MRPS11: variants seen among roughly 807,000 people sequenced by gnomAD.
MRPS11 encodes mitochondrial ribosomal protein S11, also known as small ribosomal subunit protein uS11m.
Under a neutral mutation model 24.3 loss-of-function variants are expected in MRPS11, and 27 were observed. The ratio of observed to expected loss-of-function variants is 1.11; its 90% CI spans 0.82 to 1.53. MRPS11 has a LOEUF of 1.53. MRPS11 is among the 40% of genes most tolerant of loss of function. The pLI is 0.00. For missense variants in MRPS11, 277 were observed against 256.5 expected, an observed-to-expected ratio of 1.08 and a Z score of -0.55; for synonymous variants, 104 against 98.7, an observed-to-expected ratio of 1.05 and a Z score of -0.32.
At chr15:88,468,228 C>T (rs2055596656) in intron 2 of MRPS11, 3 of 1,416,658 alleles carry the variant, frequency 2.1e-6, no homozygotes, top group East Asian at 2.6e-5. Context: ...AGCCGTGGTA[C>T]AGAGTAAATG....
In MRPS11 at chr15:88,475,277, T is replaced by A. The variant is rs1324038713; in HGVS notation, c.411+38T>A. On this transcript the variant is annotated intron_variant, in intron 4 of 5. Transcript: ENST00000325844. This position sits in a 1 kb window ranked among gnomAD's most constrained non-coding sequence, Gnocchi z 4.1. ...TCCTTCTGCTTCCTTCTAGTGTGTG[T>A]TTGCTTTCTGCATGGCTCATCACTG... 2 of 1,612,926 alleles carry A rather than the reference T, an allele frequency of 1.2e-6. No individual in the cohort carries two copies. Among genetic ancestry groups the A allele is most frequent in the Admixed American group, 1.7e-5 (1 of 60,010 alleles).
chr15:88,480,234 G>A lies in MRPS11; in HGVS notation c.*2255G>A, dbSNP rs2055904804. 1 of 152,134 alleles carries A rather than the reference G, an allele frequency of 6.6e-6. No individual in the cohort carries two copies. The highest frequency in any genetic ancestry group is 2.1e-4 in the South Asian group (1 of 4,822). 9.4% of individuals were successfully genotyped at this position (152,134 alleles called of 1,614,324 possible). On this transcript the variant is annotated 3_prime_UTR_variant, in exon 6 of 6. Coordinates refer to ENST00000325844, the MANE Select transcript of MRPS11 (RefSeq NM_022839.5). This position sits in a 1 kb window ranked among gnomAD's most constrained non-coding sequence, Gnocchi z 5.1. ...CACCATAGGTTTTTATTTTGGTTTT[G>A]GTTTTTGAGTCTCGTTGTCACCCAG...
intron 2 of MRPS11, 91 bp downstream of exon 2, chr15:88,468,115 T>A: frequency 6.6e-7 from 1 of 1,505,216 alleles, no homozygotes; most frequent in Non-Finnish European, 8.9e-7. Context: ...AATTTTCAGC[T>A]ATGTCACTTG....
At chr15:88,471,048 G>A (rs1028635200) in intron 2 of MRPS11, among the ~76,000 whole-genome samples, 45 of 152,188 alleles carry the variant, frequency 3.0e-4, no homozygotes, top group Non-Finnish European at 5.4e-4. Flanking sequence ...AGGAGAGAGC[G>A]CAAAGGCTGT....
rs150288962 is a variant in MRPS11, at chr15:88,475,135, A to G, written c.307A>G (p.Ser103Gly). 3.1e-6 allele frequency: 5 copies of G among 1,614,108 alleles called. No homozygotes were observed. The highest frequency in any genetic ancestry group is 1.6e-4 in the Middle Eastern group (1 of 6,084). ...NNTQIQVVSA[S>G]NEPLAFASCG... ...CACACAGATCCAGGTAGTCTCTGCT[A>G]GTAATGAGCCCCTTGCCTTTGCTTC... is the stretch of plus-strand genomic sequence containing the variant. Residue 103 changes from serine to glycine, a missense_variant, in exon 4 of 6, where the codon AGT (serine) becomes GGT (glycine). By Grantham distance (56) the Ser-to-Gly change is moderately conservative (BLOSUM62 0). Transcript: ENST00000325844. The surrounding 1 kb of genome is among the most constrained non-coding windows in gnomAD (Gnocchi z 4.1).
In MRPS11 at chr15:88,480,507, G is replaced by A. The variant is rs748047154; in HGVS notation, c.*2528G>A. 6.6e-6 allele frequency: 1 copy of A among 152,184 alleles called. No homozygotes were observed. Among genetic ancestry groups the A allele is most frequent in the Non-Finnish European group, 1.5e-5 (1 of 68,046 alleles). 9.4% of individuals were successfully genotyped at this position (152,184 alleles called of 1,614,324 possible). On this transcript the variant is annotated 3_prime_UTR_variant, in exon 6 of 6. Transcript: ENST00000325844. This position sits in a 1 kb window ranked among gnomAD's most constrained non-coding sequence, Gnocchi z 5.1. ...CACTGCGCCTGATCCACACACCATA[G>A]TTTTTAAAATGTTATTTTACTCACA... is the stretch of plus-strand genomic sequence containing the variant.
At chr15:88,476,787 C>G (rs112799756) in intron 4 of MRPS11, 16 of 583,942 alleles carry the variant, frequency 2.7e-5, no homozygotes, top group East Asian at 2.6e-4. Flanking sequence ...ATCACAGTCA[C>G]GTGAATTCTG....
chr15:88,476,115 G>A (rs1305196323), intron 4 of MRPS11, among the ~76,000 whole-genome samples: 1 of 152,182 alleles, frequency 6.6e-6, no homozygotes, highest in African/African-American at 2.4e-5. Context: ...GCAAGGTGCT[G>A]CTATTGGTAT....
chr15:88,473,072 A>G (rs115804761), intron 3 of MRPS11, among the ~76,000 whole-genome samples: 160 of 152,354 alleles, frequency 1.1e-3, no homozygotes, highest in African/African-American at 3.5e-3. Context: ...TAGGGAATGG[A>G]TGATATATAA....
chr15:88,472,379 A>C (rs1482718710), intron 2 of MRPS11: 1 of 409,794 alleles, frequency 2.4e-6, no homozygotes, highest in African/African-American at 2.0e-5. Context: ...GGGAGTATGC[A>C]TGAAAATCCC....
chr15:88,476,226 CAG>C (rs1278102032), intron 4 of MRPS11, among the ~76,000 whole-genome samples: 1 of 152,150 alleles, frequency 6.6e-6, no homozygotes, highest in African/African-American at 2.4e-5. Context: ...AATTGAGATT[CAG>C]AGTGTGTGAC....
chr15:88,473,630 C>T (rs762038956), intron 3 of MRPS11, among the ~76,000 whole-genome samples: 10 of 152,174 alleles, frequency 6.6e-5, no homozygotes, highest in African/African-American at 1.9e-4. Context: ...CAAGCAATTA[C>T]GCATCTATTC....
chr15:88,470,904 A>G (rs904711589), intron 2 of MRPS11, among the ~76,000 whole-genome samples: 1 of 152,174 alleles, frequency 6.6e-6, no homozygotes, highest in African/African-American at 2.4e-5. Flanking sequence ...TTATTTTTTC[A>G]GTTTGGAACA....
intron 4 of MRPS11, among the ~76,000 whole-genome samples, chr15:88,476,024 G>A (rs2055815493): frequency 6.6e-6 from 1 of 152,166 alleles, no homozygotes; most frequent in Admixed American, 6.5e-5. Context: ...ATTTGGAGAG[G>A]ACATAGTATC....
intron 2 of MRPS11, chr15:88,468,288 A>G: frequency 2.4e-6 from 3 of 1,268,232 alleles, no homozygotes; most frequent in Non-Finnish European, 3.0e-6. Flanking sequence ...TATCCATAAC[A>G]TGTATCAGCG....
intron 2 of MRPS11, among the ~76,000 whole-genome samples, chr15:88,471,181 A>G (rs1045972579): frequency 1.3e-5 from 2 of 152,254 alleles, no homozygotes; most frequent in African/African-American, 2.4e-5. Context: ...AAAAGAAGCT[A>G]TAAAAGAGTC....
intron 2 of MRPS11, among the ~76,000 whole-genome samples, chr15:88,470,463 C>T (rs2055671143): frequency 1.3e-5 from 2 of 152,120 alleles, no homozygotes; most frequent in Non-Finnish European, 2.9e-5. Context: ...AGAAGAGGTC[C>T]AAGGACTGAA....
chr15:88,480,710 G>C lies in MRPS11; in HGVS notation c.*2731G>C, dbSNP rs141870966. The C allele has an allele frequency of 1.1e-4, 17 of 152,186 alleles. No homozygotes were observed. The highest frequency in any genetic ancestry group is 3.9e-4 in the African/African-American group (16 of 41,516). The allele number at this position is 152,186 out of a possible 1,614,324, so 9.4% of individuals were successfully genotyped here. On this transcript the variant is annotated 3_prime_UTR_variant, in exon 6 of 6. Coordinates refer to ENST00000325844, the MANE Select transcript of MRPS11 (RefSeq NM_022839.5). The surrounding 1 kb of genome is among the most constrained non-coding windows in gnomAD (Gnocchi z 5.1). ...ACTGGAAAATGCACATTGCTTTATC[G>C]TGAGCTCTCGGTGCACAGTGTGGTT... is the stretch of plus-strand genomic sequence containing the variant.
rs2055844009 is a variant in MRPS11 at position 88,477,370 on chromosome 15, G to A, written c.477+316G>A. 6.6e-6 allele frequency among the ~76,000 whole-genome samples: 1 copy of A among 152,304 alleles called. No homozygotes were observed. The highest frequency in any genetic ancestry group is 2.4e-5 in the African/African-American group (1 of 41,572). ...CTGTGGTAAAGCATGTGCCCAGATC[G>A]CTGGGAGCCCATCAGGGGATCCCGA... On this transcript the variant is annotated intron_variant, in intron 5 of 5. Coordinates refer to ENST00000325844, the MANE Select transcript of MRPS11 (RefSeq NM_022839.5). This position sits in a 1 kb window ranked among gnomAD's most constrained non-coding sequence, Gnocchi z 5.7.
Sources: gnomAD v4.1 joint callset for allele counts (sites outside exome capture counted in the v4.1 genomes callset) on GRCh38, gnomAD v4.1.1 for gene constraint, Gnocchi (gnomAD v3.1) non-coding constraint, MANE v1.5 for transcripts, NCBI Gene and HGNC (gene_info 2026-07-23, HGNC 2026-07-21) for gene names.